Variants in CACNA1E observed in about 807,000 individuals in gnomAD.
CACNA1E encodes the protein calcium voltage-gated channel subunit alpha1 E, also known as voltage-dependent R-type calcium channel subunit alpha-1E.
Under a neutral mutation model 259.2 loss-of-function variants are expected in CACNA1E, and 40 were observed. The ratio of observed to expected loss-of-function variants is 0.15; its 90% confidence interval spans 0.12 to 0.20. The LOEUF (loss-of-function observed/expected upper bound fraction) is 0.20, where lower values mean the gene tolerates loss of function less well. Among genes scored for constraint, CACNA1E ranks in the 10% least tolerant of loss-of-function variants. The pLI, the probability that CACNA1E is intolerant of heterozygous loss-of-function variation, is 1.00. For synonymous variants in CACNA1E, 1,104 were observed against 1,138.5 expected, an observed-to-expected ratio of 0.97 and a Z score of 0.61; for missense variants, 1,874 against 3,040.1, an observed-to-expected ratio of 0.62 and a Z score of 9.02.
intron 1 of CACNA1E, among the ~76,000 whole-genome samples, chr1:181,400,724 G>A (rs1015734449): frequency 2.0e-5 from 3 of 152,062 alleles, no homozygotes; most frequent in African/African-American, 2.4e-5. Flanking sequence ...TGGCCATCAC[G>A]GGCTCTCTCT....
At chr1:181,356,217 G>A (rs954597755) in intron 1 of CACNA1E, among the ~76,000 whole-genome samples, 5 of 152,160 alleles carry the variant, frequency 3.3e-5, no homozygotes, top group Non-Finnish European at 7.4e-5. Context: ...AGATGACTTA[G>A]AGGTACTTGG....
At chr1:181,547,354 C>G (rs555240008) in intron 3 of CACNA1E, among the ~76,000 whole-genome samples, 1 of 152,362 alleles carries the variant, frequency 6.6e-6, no homozygotes, top group Admixed American at 6.5e-5. Flanking sequence ...ATTTCTCACC[C>G]CTGTTCATGA....
At chr1:181,734,579 A>T (rs1372862415) in intron 21 of CACNA1E, among the ~76,000 whole-genome samples, 1 of 139,546 alleles carries the variant, frequency 7.2e-6, no homozygotes, top group African/African-American at 2.7e-5. Flanking sequence ...TCCCTGCATT[A>T]TGAATTCTAC....
At chr1:181,413,939 C>A (rs1001078103) in intron 2 of CACNA1E, among the ~76,000 whole-genome samples, 1 of 152,246 alleles carries the variant, frequency 6.6e-6, no homozygotes, top group African/African-American at 2.4e-5. Flanking sequence ...CAACGTGGAT[C>A]ATCTATTTCA....
intron 6 of CACNA1E, among the ~76,000 whole-genome samples, chr1:181,591,609 T>C (rs942966582): frequency 1.8e-4 from 28 of 152,234 alleles, no homozygotes; most frequent in African/African-American, 6.7e-4. Flanking sequence ...AGATGTCTCA[T>C]TTTTGTAAGT....
chr1:181,610,179 C>T (rs1654623546), intron 6 of CACNA1E, among the ~76,000 whole-genome samples: 1 of 152,196 alleles, frequency 6.6e-6, no homozygotes, highest in African/African-American at 2.4e-5. Context: ...CTTTTGCCTC[C>T]AGTGTTACAG....
chr1:181,607,740 G>A (rs527760085), intron 6 of CACNA1E, among the ~76,000 whole-genome samples: 1 of 152,330 alleles, frequency 6.6e-6, no homozygotes, highest in South Asian at 2.1e-4. Context: ...GGATGCTGGG[G>A]AGTGACGAGA....
At chr1:181,589,166 C>T (rs896530672) in intron 6 of CACNA1E, among the ~76,000 whole-genome samples, 3 of 152,200 alleles carry the variant, frequency 2.0e-5, no homozygotes, top group Admixed American at 2.0e-4. Flanking sequence ...TCTGTATTTT[C>T]AGCAAGCTCC....
intron 2 of CACNA1E, among the ~76,000 whole-genome samples, chr1:181,477,159 AC>A (rs1346200780): frequency 2.1e-4 from 24 of 113,400 alleles, no homozygotes; most frequent in South Asian, 9.3e-4. Flanking sequence ...CCCCCTCCCC[AC>A]CCCCCAAAAC....
intron 3 of CACNA1E, among the ~76,000 whole-genome samples, chr1:181,560,636 A>G (rs1649230939): frequency 6.6e-6 from 1 of 152,220 alleles, no homozygotes; most frequent in Non-Finnish European, 1.5e-5. Flanking sequence ...GAAAACCAGT[A>G]TGGCAGTTCC....
intron 1 of CACNA1E, among the ~76,000 whole-genome samples, chr1:181,352,541 T>C (rs1653117111): frequency 6.6e-6 from 1 of 152,262 alleles, no homozygotes; most frequent in Non-Finnish European, 1.5e-5. Context: ...ATTGAATTTC[T>C]CTTTATTATT....
chr1:181,736,180 T>G (rs1301447332), intron 21 of CACNA1E, 95 bp from the exon 22 acceptor site: 1 of 1,442,882 alleles, frequency 6.9e-7, no homozygotes, highest in Non-Finnish European at 9.3e-7. Flanking sequence ...CTGGAGCCCT[T>G]TCTCCTCCTC....
chr1:181,451,134 C>T (rs965694258), intron 2 of CACNA1E, among the ~76,000 whole-genome samples: 2 of 152,126 alleles, frequency 1.3e-5, no homozygotes, highest in East Asian at 3.8e-4. Flanking sequence ...GTGCTGTTGA[C>T]GAATAGTCAG....
At chr1:181,418,922 AT>A (rs1169219790) in intron 2 of CACNA1E, among the ~76,000 whole-genome samples, 1 of 151,682 alleles carries the variant, frequency 6.6e-6, no homozygotes, top group Non-Finnish European at 1.5e-5. Flanking sequence ...GTAATAATTG[AT>A]TGAAGCTGGT....
chr1:181,751,125 C>G (rs1405428728), intron 26 of CACNA1E, among the ~76,000 whole-genome samples: 2 of 152,090 alleles, frequency 1.3e-5, no homozygotes, highest in African/African-American at 2.4e-5. Context: ...AGAGACAGAG[C>G]CTGACTCCAC....
At chr1:181,759,640 C>G (rs572367869) in intron 32 of CACNA1E, among the ~76,000 whole-genome samples, 6 of 152,338 alleles carry the variant, frequency 3.9e-5, no homozygotes, top group Admixed American at 3.3e-4. Context: ...GGCCACCCTC[C>G]CCCCAACCTG....
intron 1 of CACNA1E, among the ~76,000 whole-genome samples, chr1:181,357,587 A>G (rs1653546168): frequency 6.6e-6 from 1 of 152,216 alleles, no homozygotes; most frequent in South Asian, 2.1e-4. Context: ...GTTGATGATG[A>G]AAAGTCCTAG....
intron 1 of CACNA1E, among the ~76,000 whole-genome samples, chr1:181,495,473 C>G (rs1236739677): frequency 1.3e-5 from 2 of 152,306 alleles, no homozygotes; most frequent in East Asian, 3.9e-4. Flanking sequence ...ATGCAAAGTG[C>G]TTGGAACAAT....
intron 25 of CACNA1E, among the ~76,000 whole-genome samples, chr1:181,748,061 A>T (rs1405976823): frequency 6.6e-6 from 1 of 152,248 alleles, no homozygotes; most frequent in Non-Finnish European, 1.5e-5. Flanking sequence ...ATTCCAATTC[A>T]TAGCTTTTCA....
Sources: gnomAD v4.1 joint callset for allele counts (sites outside exome capture counted in the v4.1 genomes callset) on GRCh38, gnomAD v4.1.1 for gene constraint, MANE v1.5 for transcripts, NCBI Gene and HGNC (gene_info 2026-07-23, HGNC 2026-07-21) for gene names.